The following PON3 variants were observed in gnomAD, a reference collection of about 807,000 sequenced individuals.
PON3 encodes the protein paraoxonase 3.
PON3 carries 37 observed loss-of-function variants against 36.3 expected under a neutral mutation model. The observed-to-expected ratio is 1.02, with a 90% CI of 0.78 to 1.34. The LOEUF (loss-of-function observed/expected upper bound fraction) is 1.34. Ranked by LOEUF, PON3 falls within the 40% of genes most tolerant of loss-of-function variation. The pLI, the probability that PON3 is intolerant of heterozygous loss-of-function variation, is 0.00. For missense variants in PON3, 415 were observed against 426.5 expected (o/e 0.97, Z 0.24); for synonymous variants, 155 against 154.8 (o/e 1.00, Z -0.01).
intron 5 of PON3, 69 bp downstream of exon 5, chr7:95,367,293 A>G: frequency 6.3e-7 from 1 of 1,583,560 alleles, no homozygotes; most frequent in Non-Finnish European, 8.6e-7. Context: ...AGCCTGCTGA[A>G]CCAAAAAATA....
intron 2 of PON3, among the ~76,000 whole-genome samples, chr7:95,391,588 T>A (rs900289307): frequency 2.6e-5 from 4 of 152,164 alleles, no homozygotes; most frequent in Non-Finnish European, 5.9e-5. Flanking sequence ...GAGTTTCTTC[T>A]ACCAATAAAA....
intron 4 of PON3, among the ~76,000 whole-genome samples, chr7:95,367,944 A>T (rs927999353): frequency 7.2e-5 from 11 of 152,190 alleles, no homozygotes; most frequent in African/African-American, 2.2e-4. Flanking sequence ...CAGTGTAAAC[A>T]CCTTAAAATA....
rs940748228 is a variant in PON3, at chr7:95,390,198, C to T, written c.157G>A (p.Glu53Lys). 1.2e-6 allele frequency: 2 copies of T among 1,611,288 alleles called. No homozygotes were observed. Among genetic ancestry groups the T allele is most frequent in the African/African-American group, 1.3e-5 (1 of 74,840 alleles). The change falls in exon 3 of 9, where the codon GAA (glutamate) becomes AAA (lysine). Residue 53 changes from glutamate to lysine, a missense_variant. Transcript: ENST00000265627. ...CCACTAGGAAGTATATCAATATCTTCAGAGCCACTTTCTGCAAAAGAAGGG... is the reference window on the plus strand; with the variant it reads ...CCACTAGGAAGTATATCAATATCTTTAGAGCCACTTTCTGCAAAAGAAGGG... ...HLIEELESGSEDIDILPSGLA... is the reference protein window; with the variant it reads ...HLIEELESGSKDIDILPSGLA...
intron 3 of PON3, among the ~76,000 whole-genome samples, chr7:95,381,790 TCAA>T (rs1233130673): frequency 6.6e-6 from 1 of 152,154 alleles, no homozygotes; most frequent in African/African-American, 2.4e-5. Flanking sequence ...ATTAGACAGA[TCAA>T]CGAGACAGAA....
At chr7:95,360,204 T>C in intron 8 of PON3, 73 bp from the exon 9 acceptor site, 1 of 1,359,450 alleles carries the variant, frequency 7.4e-7, no homozygotes, top group Non-Finnish European at 1.1e-6. Context: ...TCCCAAACAT[T>C]CTAGGATAAA....
At chr7:95,370,005 A>G (rs1008243120) in intron 4 of PON3, among the ~76,000 whole-genome samples, 1 of 152,170 alleles carries the variant, frequency 6.6e-6, no homozygotes, top group African/African-American at 2.4e-5. Flanking sequence ...GAGACACTTC[A>G]CTGAATGAAA....
At chr7:95,370,748 GT>G (rs1196081912) in intron 4 of PON3, among the ~76,000 whole-genome samples, 1 of 152,114 alleles carries the variant, frequency 6.6e-6, no homozygotes, top group Non-Finnish European at 1.5e-5. Context: ...GGAAACTATT[GT>G]TTTTAAAGCA....
At chr7:95,381,693 A>T (rs1401782289) in intron 3 of PON3, among the ~76,000 whole-genome samples, 5 of 152,236 alleles carry the variant, frequency 3.3e-5, no homozygotes, top group Non-Finnish European at 2.9e-5. Context: ...GAGCACCCAG[A>T]TTCATAAAGC....
chr7:95,376,896 T>C (rs17879129), intron 3 of PON3, among the ~76,000 whole-genome samples: 3 of 152,182 alleles, frequency 2.0e-5, no homozygotes, highest in African/African-American at 7.2e-5. Flanking sequence ...TGGGACTGGT[T>C]GGACAGTGGG....
At chr7:95,379,602 A>T (rs1408658290) in intron 3 of PON3, among the ~76,000 whole-genome samples, 1 of 152,220 alleles carries the variant, frequency 6.6e-6, no homozygotes, top group Non-Finnish European at 1.5e-5. Context: ...AGCCTTGCTC[A>T]TTGCTAGCAC....
chr7:95,373,027 C>T (rs1429708632), intron 3 of PON3, among the ~76,000 whole-genome samples: 1 of 152,170 alleles, frequency 6.6e-6, no homozygotes, highest in Non-Finnish European at 1.5e-5. Flanking sequence ...AATAGGCATC[C>T]TGAATGCATG....
At chr7:95,369,928 G>T (rs550146172) in intron 4 of PON3, among the ~76,000 whole-genome samples, 10 of 152,206 alleles carry the variant, frequency 6.6e-5, no homozygotes, top group Non-Finnish European at 1.0e-4. Flanking sequence ...ATGACAAAGA[G>T]TGAGCCAGAA....
chr7:95,394,188 C>T (rs1047001305), intron 2 of PON3, among the ~76,000 whole-genome samples: 3 of 151,844 alleles, frequency 2.0e-5, no homozygotes, highest in East Asian at 1.9e-4. Context: ...TGAGCCACTG[C>T]GCCCAGCCTG....
intron 2 of PON3, among the ~76,000 whole-genome samples, chr7:95,390,426 T>C (rs577250980): frequency 3.9e-5 from 6 of 152,306 alleles, no homozygotes; most frequent in African/African-American, 1.4e-4. Context: ...AAATCCTTTT[T>C]TAGAACCCCA....
At chr7:95,365,611 CATGT>C (rs1458333124) in intron 5 of PON3, 3 of 152,234 alleles carry the variant, frequency 2.0e-5, no homozygotes, top group Non-Finnish European at 4.4e-5. Context: ...TCCCTCACTG[CATGT>C]GTTTCCTAGG....
chr7:95,394,103 T>C (rs1809378020), intron 2 of PON3, among the ~76,000 whole-genome samples: 1 of 152,164 alleles, frequency 6.6e-6, no homozygotes, highest in Non-Finnish European at 1.5e-5. Context: ...TTTCACCATG[T>C]TGGCCAGGAT....
At chr7:95,368,029 T>A (rs17883258) in intron 4 of PON3, among the ~76,000 whole-genome samples, 1 of 152,164 alleles carries the variant, frequency 6.6e-6, no homozygotes, top group African/African-American at 2.4e-5. Flanking sequence ...TCAATGGACA[T>A]GGCATGTAAA....
chr7:95,379,356 G>A (rs539008019), intron 3 of PON3, among the ~76,000 whole-genome samples: 1 of 152,232 alleles, frequency 6.6e-6, no homozygotes, highest in Non-Finnish European at 1.5e-5. Context: ...GACAGTGGGT[G>A]CAGGACAGTG....
rs1351718368 is a variant in PON3 at position 95,379,724 on chromosome 7, G to A, written c.202-7386C>T. ...GGTCAGGAAGCTCGAACTGGGTGGAGCCCACCGCAGCTCAAGGATGCCTGC... is the reference window on the plus strand; with the variant it reads ...GGTCAGGAAGCTCGAACTGGGTGGAACCCACCGCAGCTCAAGGATGCCTGC... On this transcript the variant is annotated intron_variant, in intron 3 of 8. Transcript: ENST00000265627. Among the ~76,000 whole-genome samples the A allele has an allele frequency of 2.0e-5, 3 of 152,224 alleles. No individual in the cohort carries two copies. The East Asian group carries it at 5.8e-4, about 29-fold the overall frequency.
Sources: allele counts gnomAD v4.1 joint callset (sites outside exome capture counted in the v4.1 genomes callset), GRCh38; gene constraint gnomAD v4.1.1; transcripts MANE v1.5; gene names NCBI Gene and HGNC (gene_info 2026-07-23, HGNC 2026-07-21).